The following CDH2 variants were observed in gnomAD, a reference collection of about 807,000 sequenced individuals.
CDH2 encodes the protein cadherin-2.
Under a neutral mutation model 92.0 loss-of-function variants are expected in CDH2, and 17 were observed. That is an observed-to-expected ratio of 0.18 (90% confidence interval 0.13 to 0.28). The LOEUF is 0.28. CDH2 is among the 10% of genes least tolerant of loss of function. CDH2 has a pLI of 1.00. For missense variants in CDH2, 862 were observed against 1,133.1 expected (o/e 0.76, Z 3.44); for synonymous variants, 419 against 415.9 (o/e 1.01, Z -0.09).
intron 2 of CDH2, among the ~76,000 whole-genome samples, chr18:28,028,370 A>G (rs2013612204): frequency 6.6e-6 from 1 of 152,166 alleles, no homozygotes; most frequent in Non-Finnish European, 1.5e-5. Context: ...ATGTGCATTA[A>G]GCACACTAGC....
intron 15 of CDH2, among the ~76,000 whole-genome samples, chr18:27,958,232 T>C (rs1482891972): frequency 6.6e-6 from 1 of 152,060 alleles, no homozygotes; most frequent in Non-Finnish European, 1.5e-5. Flanking sequence ...TATAAGACCA[T>C]AATGAGATAT....
intron 1 of CDH2, among the ~76,000 whole-genome samples, 164 bp downstream of exon 1, chr18:28,176,799 C>T (rs538614461): frequency 8.6e-4 from 130 of 151,210 alleles, no homozygotes; most frequent in African/African-American, 3.0e-3. Context: ...CCGGACGGAG[C>T]CCGATGCCTG....
intron 1 of CDH2, among the ~76,000 whole-genome samples, chr18:28,160,370 G>A (rs567742165): frequency 1.3e-4 from 20 of 152,166 alleles, no homozygotes; most frequent in African/African-American, 4.3e-4. Context: ...CAGCTTGAAC[G>A]TGCTGAGGGG....
At chr18:27,943,392 A>G (rs1909190004) in intron 6 of CDH2, among the ~76,000 whole-genome samples, 1 of 152,200 alleles carries the variant, frequency 6.6e-6, no homozygotes, top group Non-Finnish European at 1.5e-5. Context: ...AGAAATCAGG[A>G]AAAATAAAAG....
chr18:27,999,088 T>C (rs2012680230), intron 7 of CDH2, among the ~76,000 whole-genome samples: 1 of 152,210 alleles, frequency 6.6e-6, no homozygotes, highest in Non-Finnish European at 1.5e-5. Context: ...GATTGAGAAC[T>C]GGCTCTCAGA....
At chr18:27,988,762 G>A (rs2012316863) in intron 10 of CDH2, 96 bp from the exon 11 acceptor site, 1 of 862,616 alleles carries the variant, frequency 1.2e-6, no homozygotes, top group African/African-American at 1.7e-5. Context: ...TCATTAACTT[G>A]CATTTCTGTA....
chr18:28,068,514 AAC>A (rs2014553729), intron 2 of CDH2, among the ~76,000 whole-genome samples: 1 of 152,180 alleles, frequency 6.6e-6, no homozygotes, highest in African/African-American at 2.4e-5. Context: ...GCTAGTACAA[AAC>A]ATCAACAAAT....
chr18:28,018,320 A>G (rs2013311284), intron 2 of CDH2, among the ~76,000 whole-genome samples: 2 of 152,146 alleles, frequency 1.3e-5, no homozygotes. Context: ...TACTGCTAAA[A>G]GCAATCTACA....
intron 6 of CDH2, among the ~76,000 whole-genome samples, chr18:27,943,897 T>C (rs1278015325): frequency 2.6e-5 from 4 of 152,146 alleles, no homozygotes; most frequent in African/African-American, 9.7e-5. Context: ...ACTAGTGCAG[T>C]GGTATGAAAC....
chr18:28,154,083 G>T (rs2016169585), intron 1 of CDH2, among the ~76,000 whole-genome samples: 1 of 152,178 alleles, frequency 6.6e-6, no homozygotes, highest in Non-Finnish European at 1.5e-5. Context: ...AAACCTTTCT[G>T]AACGTTCTCA....
At chr18:28,172,551 T>C (rs923757917) in intron 1 of CDH2, among the ~76,000 whole-genome samples, 4 of 152,168 alleles carry the variant, frequency 2.6e-5, no homozygotes, top group African/African-American at 9.6e-5. Flanking sequence ...ACACAGTGAT[T>C]TGTTGGTACC....
chr18:28,100,607 C>T (rs1390143421), intron 2 of CDH2, among the ~76,000 whole-genome samples: 1 of 147,870 alleles, frequency 6.8e-6, no homozygotes, highest in African/African-American at 2.7e-5. Flanking sequence ...GATACATGAG[C>T]ATGTCAGAGG....
intron 2 of CDH2, among the ~76,000 whole-genome samples, chr18:28,017,762 C>T (rs1269958140): frequency 6.6e-6 from 1 of 151,978 alleles, no homozygotes; most frequent in Non-Finnish European, 1.5e-5. Flanking sequence ...AAGGGACATA[C>T]CTTAAGGTAA....
chr18:28,036,574 T>A (rs1292098445), intron 2 of CDH2: 1 of 1,540,684 alleles, frequency 6.5e-7, no homozygotes, highest in Non-Finnish European at 8.9e-7. Flanking sequence ...TTTCCCATAA[T>A]TCCTTCTGCT....
chr18:27,984,968 A>G (rs1168604376), intron 13 of CDH2, 32 bp downstream of exon 13: 2 of 1,529,690 alleles, frequency 1.3e-6, no homozygotes, highest in Non-Finnish European at 9.1e-7. Flanking sequence ...AGCCAAGAGA[A>G]CTGAAATCTA....
At chr18:28,083,913 G>T (rs530360160) in intron 2 of CDH2, among the ~76,000 whole-genome samples, 1 of 152,114 alleles carries the variant, frequency 6.6e-6, no homozygotes, top group Non-Finnish European at 1.5e-5. Flanking sequence ...GGGTGGGAGG[G>T]TAAGTATTTT....
intron 2 of CDH2, among the ~76,000 whole-genome samples, chr18:28,145,572 T>A (rs1330963593): frequency 6.6e-6 from 1 of 152,000 alleles, no homozygotes; most frequent in East Asian, 1.9e-4. Flanking sequence ...TCCAAAAAGA[T>A]GTAAAAGGTA....
At chr18:28,016,504 G>T (rs1462198826) in intron 2 of CDH2, among the ~76,000 whole-genome samples, 1 of 152,136 alleles carries the variant, frequency 6.6e-6, no homozygotes, top group Non-Finnish European at 1.5e-5. Flanking sequence ...GTTGGTAGTA[G>T]AAGAAAATGA....
At chr18:27,979,754 G>T (rs1426586326) in intron 14 of CDH2, among the ~76,000 whole-genome samples, 1 of 152,122 alleles carries the variant, frequency 6.6e-6, no homozygotes, top group East Asian at 1.9e-4. Context: ...CAAAAACAGG[G>T]GGTGCTAATC....
Sources: allele counts gnomAD v4.1 joint callset (sites outside exome capture counted in the v4.1 genomes callset), GRCh38; gene constraint gnomAD v4.1.1; transcripts MANE v1.5; gene names NCBI Gene and HGNC (gene_info 2026-07-23, HGNC 2026-07-21).